SIMC1: variants seen among roughly 807,000 people sequenced by gnomAD.
SIMC1 encodes SUMO interacting motifs containing 1, also known as SUMO-interacting motif-containing protein 1.
In SIMC1, 55 loss-of-function variants were observed where a neutral mutation model predicts 82.3. The observed-to-expected ratio is 0.67, with a 90% CI of 0.54 to 0.84. The LOEUF (loss-of-function observed/expected upper bound fraction) is 0.84. SIMC1 is among the 40% of genes least tolerant of loss of function. The probability of loss-of-function intolerance (pLI) is 0.00; values close to 1 mark genes in which losing one functional copy is unlikely to be tolerated. For synonymous variants in SIMC1, 353 were observed against 426.3 expected (o/e 0.83, Z 2.12); for missense variants, 915 against 1,107.2 (o/e 0.83, Z 2.46).
intron 4 of SIMC1, among the ~76,000 whole-genome samples, chr5:176,312,354 G>A (rs576733773): frequency 3.3e-5 from 5 of 152,144 alleles, no homozygotes; most frequent in Admixed American, 1.3e-4. Context: ...TCACCATTAT[G>A]GTGCAACCCT....
intron 3 of SIMC1, among the ~76,000 whole-genome samples, chr5:176,295,599 G>A (rs1410414636): frequency 3.3e-5 from 5 of 151,270 alleles, no homozygotes; most frequent in South Asian, 2.1e-4. Flanking sequence ...TTTTGGGGCC[G>A]CATGTGGTAG....
At chr5:176,263,115 A>C (rs1291171953) in intron 1 of SIMC1, among the ~76,000 whole-genome samples, 1 of 152,200 alleles carries the variant, frequency 6.6e-6, no homozygotes, top group African/African-American at 2.4e-5. Flanking sequence ...TTTATATAGA[A>C]AACTGTGATG....
At chr5:176,327,167 A>T (rs1245607433) in intron 7 of SIMC1, among the ~76,000 whole-genome samples, 3 of 152,232 alleles carry the variant, frequency 2.0e-5, no homozygotes, top group Non-Finnish European at 4.4e-5. Context: ...TAACAAAAAA[A>T]AATTAGGAAT....
intron 4 of SIMC1, among the ~76,000 whole-genome samples, chr5:176,310,266 T>C (rs2113336288): frequency 6.6e-6 from 1 of 152,358 alleles, no homozygotes; most frequent in Admixed American, 6.5e-5. Context: ...TTAAGCATAA[T>C]TTTTTAATCA....
chr5:176,329,396 G>A (rs1462325704), intron 7 of SIMC1, among the ~76,000 whole-genome samples: 2 of 151,888 alleles, frequency 1.3e-5, no homozygotes, highest in African/African-American at 4.8e-5. Context: ...GCGTGAACCC[G>A]GGAGGCGGAG....
At chr5:176,312,745 T>C (rs1452796550) in intron 4 of SIMC1, among the ~76,000 whole-genome samples, 1 of 152,190 alleles carries the variant, frequency 6.6e-6, no homozygotes, top group Non-Finnish European at 1.5e-5. Context: ...CATTAGTTTA[T>C]GTTCTGAGAA....
At chr5:176,325,903 G>C (rs891579981) in intron 7 of SIMC1, among the ~76,000 whole-genome samples, 1 of 152,114 alleles carries the variant, frequency 6.6e-6, no homozygotes, top group Non-Finnish European at 1.5e-5. Context: ...AATGACCCCA[G>C]ATAGTAAGAA....
In SIMC1 at chr5:176,290,490, T is replaced by A. The variant is rs139969442; in HGVS notation, c.966T>A (p.Val322=). Residue 322 remains valine (V), a synonymous_variant, in exon 2 of 10, where the codon GTT becomes GTA. Transcript: ENST00000429602. ...ATGTGCCACAGTCACCAAGTGATGT[T>A]TCACCGTCACCAGATGCACCACAGT... ...PGDVPQSPSD[V]SPSPDAPQSP... 133 of 1,613,790 alleles carry A rather than the reference T, an allele frequency of 8.2e-5. No individual in the cohort carries two copies. Among genetic ancestry groups the A allele is most frequent in the Middle Eastern group, 1.6e-4 (1 of 6,084 alleles).
intron 1 of SIMC1, among the ~76,000 whole-genome samples, chr5:176,277,514 G>A (rs1026592446): frequency 7.9e-5 from 12 of 151,942 alleles, no homozygotes; most frequent in African/African-American, 2.9e-4. Flanking sequence ...TAGACGTGAA[G>A]TCCTTGCCCA....
intron 7 of SIMC1, among the ~76,000 whole-genome samples, chr5:176,327,491 T>G (rs1765446581): frequency 6.6e-6 from 1 of 152,212 alleles, no homozygotes. Flanking sequence ...GGATTTTTGT[T>G]TGTTTTCCTT....
intron 1 of SIMC1, among the ~76,000 whole-genome samples, chr5:176,261,889 A>G (rs1762027607): frequency 6.6e-6 from 1 of 152,220 alleles, no homozygotes; most frequent in African/African-American, 2.4e-5. Flanking sequence ...GTGAATTCCA[A>G]CAAATATTTA....
chr5:176,279,953 G>C (rs1309758932), intron 1 of SIMC1, among the ~76,000 whole-genome samples: 5 of 152,050 alleles, frequency 3.3e-5, no homozygotes, highest in African/African-American at 4.8e-5. Flanking sequence ...ATATTCTGTT[G>C]ATTTGGGGTG....
chr5:176,324,526 T>C (rs1765292133), intron 6 of SIMC1, 103 bp from the exon 7 acceptor site: 4 of 1,171,436 alleles, frequency 3.4e-6, no homozygotes, highest in African/African-American at 3.1e-5. Flanking sequence ...GATCCTTTAG[T>C]AGTCTCTACT....
intron 4 of SIMC1, among the ~76,000 whole-genome samples, chr5:176,310,253 G>A (rs1417349075): frequency 2.0e-5 from 3 of 152,158 alleles, no homozygotes; most frequent in South Asian, 2.1e-4. Context: ...ATTTCTTATC[G>A]AGTTAAGCAT....
At chr5:176,315,740 C>T (rs1764873061) in intron 5 of SIMC1, among the ~76,000 whole-genome samples, 1 of 152,094 alleles carries the variant, frequency 6.6e-6, no homozygotes, top group Non-Finnish European at 1.5e-5. Context: ...TTCAGTTTTC[C>T]CACCCCCTTA....
At chr5:176,288,423 G>GAATGAATA (rs1554109230) in intron 1 of SIMC1, among the ~76,000 whole-genome samples, 2,826 of 126,746 alleles carry the variant, frequency 0.022, 48 homozygotes, top group Non-Finnish European at 0.031. Context: ...ATGAATGAAT[G>GAATGAATA]AATAAATAAA....
intron 7 of SIMC1, among the ~76,000 whole-genome samples, chr5:176,330,046 CTT>C (rs201618704): frequency 0.012 from 1,816 of 152,162 alleles, 21 homozygotes; most frequent in East Asian, 0.046. Flanking sequence ...GCAATTATAT[CTT>C]AGTAGCAGTG....
intron 7 of SIMC1, among the ~76,000 whole-genome samples, chr5:176,325,375 G>A (rs1765344268): frequency 6.6e-6 from 1 of 151,406 alleles, no homozygotes; most frequent in Non-Finnish European, 1.5e-5. Context: ...GACAGAGTGA[G>A]ACTCCATCTC....
chr5:176,294,142 C>A (rs949611884), intron 2 of SIMC1, among the ~76,000 whole-genome samples: 2 of 152,208 alleles, frequency 1.3e-5, no homozygotes, highest in South Asian at 4.1e-4. Flanking sequence ...CCTAGGCTAC[C>A]TGTTGACCCT....
Sources: gnomAD v4.1 joint callset for allele counts (sites outside exome capture counted in the v4.1 genomes callset) on GRCh38, gnomAD v4.1.1 for gene constraint, MANE v1.5 for transcripts, NCBI Gene and HGNC (gene_info 2026-07-23, HGNC 2026-07-21) for gene names.